Variants in MEGF6 observed in about 807,000 individuals in gnomAD.
MEGF6 encodes multiple EGF like domains 6.
MEGF6 carries 184 observed loss-of-function variants against 207.1 expected under a neutral mutation model. The ratio of observed to expected loss-of-function variants is 0.89; its 90% confidence interval spans 0.79 to 1.00. The LOEUF is 1.00. Ranked by LOEUF, MEGF6 falls within the 50% of genes least tolerant of loss-of-function variation. The pLI is 0.00. For synonymous variants in MEGF6, 1,038 were observed against 910.0 expected, an observed-to-expected ratio of 1.14 and a Z score of -2.53; for missense variants, 2,282 against 2,202.9, an observed-to-expected ratio of 1.04 and a Z score of -0.72.
chr1:3,591,580 G>A (rs1643978590), intron 3 of MEGF6, among the ~76,000 whole-genome samples: 1 of 152,234 alleles, frequency 6.6e-6, no homozygotes, highest in South Asian at 2.1e-4. Context: ...TCACACCTAA[G>A]TCCTGGAGCC....
At chr1:3,613,955 T>C (rs2101926064), upstream of MEGF6, among the ~76,000 whole-genome samples, 1 of 151,828 alleles carries the variant, frequency 6.6e-6, no homozygotes, top group Non-Finnish European at 1.5e-5. Context: ...GGGGGAAGAG[T>C]CCTGGGTAGG....
At chr1:3,517,079 G>A (rs1641568964) in intron 5 of MEGF6, among the ~76,000 whole-genome samples, 1 of 152,244 alleles carries the variant, frequency 6.6e-6, no homozygotes, top group African/African-American at 2.4e-5. Context: ...AGCATGGCCT[G>A]CGCCGGCCCC....
At position 3,489,363 on chromosome 1, in the gene MEGF6, G is replaced by C. The variant is rs1419642073; in HGVS notation, c.*1165C>G. On this transcript the variant is annotated 3_prime_UTR_variant, in exon 37 of 37. Coordinates refer to ENST00000356575, the MANE Select transcript of MEGF6 (RefSeq NM_001409.4). The stretch of plus-strand genomic sequence containing the variant: ...CCAGACCCTAAGGGGGCCTTCTTAA[G>C]GGAGAGAGAGTCCTATGTTGCGGTG... 6.6e-6 allele frequency among the ~76,000 whole-genome samples: 1 copy of C among 152,224 alleles called. No individual in the cohort carries two copies. The highest frequency in any genetic ancestry group is 2.4e-5 in the African/African-American group (1 of 41,456).
rs1643913728 is a variant in MEGF6, at chr1:3,587,874, GGCCAGGAGT to G, written c.376+7455_376+7463del. On this transcript the variant is annotated intron_variant, in intron 3 of 36. Transcript: ENST00000356575. Reference sequence around the variant, plus strand: ...GGAGGGGCCAGGAGGGGACAGGAGTGGCCAGGAGTGGCCAGGAGGGGGCAGGAGTGGCCA... The same window carrying G: ...GGAGGGGCCAGGAGGGGACAGGAGTGGGCCAGGAGGGGGCAGGAGTGGCCA... Among the ~76,000 whole-genome samples the G allele has an allele frequency of 7.5e-4, 6 of 7,980 alleles. 1 individual carries two copies. The highest frequency in any genetic ancestry group is 1.4e-3 in the Non-Finnish European group (3 of 2,200). The allele number at this position is 7,980 out of a possible 152,430, so 5.2% of individuals were successfully genotyped here.
intron 2 of MEGF6, among the ~76,000 whole-genome samples, chr1:3,600,353 T>C (rs1216622149): frequency 6.6e-6 from 1 of 152,150 alleles, no homozygotes; most frequent in Non-Finnish European, 1.5e-5. Flanking sequence ...GCTGGGATGC[T>C]GGGGTCCCCA....
chr1:3,496,582 T>C, intron 29 of MEGF6, 73 bp downstream of exon 29: 1 of 1,527,818 alleles, frequency 6.5e-7, no homozygotes, highest in Non-Finnish European at 8.8e-7. Flanking sequence ...GGGGCCATCC[T>C]CCTGCAGGCT....
chr1:3,561,491 T>C (rs771557679), intron 4 of MEGF6, among the ~76,000 whole-genome samples: 10 of 152,128 alleles, frequency 6.6e-5, no homozygotes, highest in Non-Finnish European at 1.2e-4. Context: ...GCCCTCACCA[T>C]CACTGCTGGT....
chr1:3,572,017 T>C (rs1643513831), intron 4 of MEGF6, among the ~76,000 whole-genome samples: 3 of 128,576 alleles, frequency 2.3e-5, no homozygotes, highest in Non-Finnish European at 3.2e-5. Context: ...GGGTCCTTCC[T>C]GAGTGTGCTA....
At chr1:3,613,830 CT>C (rs1181726090), upstream of MEGF6, among the ~76,000 whole-genome samples, 1 of 151,396 alleles carries the variant, frequency 6.6e-6, no homozygotes. Context: ...GTGCTCTCCC[CT>C]GTCCCAGGCA....
intron 4 of MEGF6, among the ~76,000 whole-genome samples, chr1:3,545,042 T>C (rs981315683): frequency 6.6e-6 from 1 of 152,134 alleles, no homozygotes; most frequent in African/African-American, 2.4e-5. Flanking sequence ...AAGCTGCCTG[T>C]GTCCCATGGC....
In MEGF6 at chr1:3,509,990, C is replaced by T. The variant is rs1037487591; in HGVS notation, c.1237G>A (p.Val413Met). 1.9e-6 allele frequency: 3 copies of T among 1,583,682 alleles called. No individual in the cohort carries two copies. Among genetic ancestry groups the T allele is most frequent in the Admixed American group, 1.8e-5 (1 of 56,524 alleles). ...LSADGCGCEDVDECASSRGGC... is the reference protein window; with the variant it reads ...LSADGCGCEDMDECASSRGGC... ...CCACGGCTGGAGGCGCACTCATCCACATCTGCGGGCGACCCGGGACCACTG... is the reference window on the plus strand; with the variant it reads ...CCACGGCTGGAGGCGCACTCATCCATATCTGCGGGCGACCCGGGACCACTG... Residue 413 changes from valine (V) to methionine (M), a missense_variant and splice_region_variant, in exon 11 of 37, where the codon GTG (valine) becomes ATG (methionine). Val to Met is a conservative substitution (Grantham distance 21). Transcript: ENST00000356575.
In MEGF6 at chr1:3,515,460, C is replaced by A; in HGVS notation, c.672G>T (p.Arg224=). 6.2e-7 allele frequency: 1 copy of A among 1,612,704 alleles called. No homozygotes were observed. Among genetic ancestry groups the A allele is most frequent in the South Asian group, 1.1e-5 (1 of 91,076 alleles). The change falls in exon 6 of 37, where the codon CGG becomes CGT. Residue 224 remains arginine, a synonymous_variant. Coordinates refer to ENST00000356575, the MANE Select transcript of MEGF6 (RefSeq NM_001409.4). ...ACCCGGGCCGGCACTGGCAGCGATG[C>A]CGAGTGATTGTGAGCTGGACACAGT... is the stretch of plus-strand genomic sequence containing the variant. The part of the protein sequence containing the change: ...QHHCVQLTIT[R]HRCQCRPGFQ...
chr1:3,547,043 G>T (rs1460310724), intron 4 of MEGF6: 1 of 159,620 alleles, frequency 6.3e-6, no homozygotes, highest in African/African-American at 2.4e-5. Context: ...CTGGGGGGGG[G>T]CCAGCGGCAG....
chr1:3,514,622 C>CCTGG lies in MEGF6; in HGVS notation c.777_780dup (p.Val261ProfsTer10). 6.3e-7 allele frequency: 1 copy of CCTGG among 1,580,718 alleles called. No homozygotes were observed. The highest frequency in any genetic ancestry group is 8.6e-7 in the Non-Finnish European group (1 of 1,165,662). ...TCACAGCGGGCGAGGCCCCGGACCA[C>CCTGG]CTGGCACCTGTGCATGCAGCTGCCG... On this transcript the variant is annotated frameshift_variant, in exon 7 of 37. Coordinates refer to ENST00000356575, the MANE Select transcript of MEGF6 (RefSeq NM_001409.4). LOFTEE classifies it high-confidence loss of function.
chr1:3,512,591 GAGTA>G (rs926260211), intron 7 of MEGF6, among the ~76,000 whole-genome samples: 2 of 151,958 alleles, frequency 1.3e-5, no homozygotes, highest in African/African-American at 4.8e-5. Flanking sequence ...TCATGATAGT[GAGTA>G]AGTCTCATGA....
At position 3,532,404 on chromosome 1, in the gene MEGF6, G is replaced by A. The variant is rs144993270; in HGVS notation, c.482-8158C>T. On this transcript the variant is annotated intron_variant, in intron 4 of 36. Coordinates refer to ENST00000356575, the MANE Select transcript of MEGF6 (RefSeq NM_001409.4). The stretch of plus-strand genomic sequence containing the variant: ...GCCTCCATGGAGATGGAAGAGCTGT[G>A]ACCAGCAAGCTGTGGTGCTCAATGA... 2.6e-5 allele frequency among the ~76,000 whole-genome samples: 4 copies of A among 152,330 alleles called. No homozygotes were observed. The East Asian group carries it at 7.7e-4, about 29-fold the overall frequency.
rs1557427528 is a variant in MEGF6, at chr1:3,602,614, A to G, written c.132-14T>C. ...CACACGTGGGGCCTGGAACAGAGAC[A>G]CGGAGAGTCAGCGCCTCGGCCACCC... On this transcript the variant is annotated splice_polypyrimidine_tract_variant and intron_variant, in intron 1 of 36. Transcript: ENST00000356575. 2 of 1,597,678 alleles carry G rather than the reference A, an allele frequency of 1.3e-6. No homozygotes were observed. The highest frequency in any genetic ancestry group is 1.7e-6 in the Non-Finnish European group (2 of 1,170,070).
At chr1:3,590,077 C>A (rs1643950799) in intron 3 of MEGF6, among the ~76,000 whole-genome samples, 2 of 152,230 alleles carry the variant, frequency 1.3e-5, no homozygotes, top group Admixed American at 1.3e-4. Context: ...GCCTCCCCCT[C>A]CCCTGGGCCA....
At position 3,595,400 on chromosome 1, in the gene MEGF6, C is replaced by A. The variant is rs570659251; in HGVS notation, c.314G>T (p.Arg105Leu). The A allele has an allele frequency of 2.5e-6, 4 of 1,612,584 alleles. No homozygotes were observed. In the African/African-American group the frequency reaches 5.3e-5, roughly 22 times the overall value. Residue 105 changes from arginine (R) to leucine (L), a missense_variant, in exon 3 of 37, where the codon CGG (arginine) becomes CTG (leucine). By Grantham distance (102) the Arg-to-Leu change is moderately radical. Transcript: ENST00000356575. ...GYRQVYTTEA[R>L]TVLRCCRGWM... ...CCCTCGGCAGCACCTGAGCACGGTC[C>A]GGGCCTCCGTGGTATACACCTGCCT...
Sources: allele counts gnomAD v4.1 joint callset (sites outside exome capture counted in the v4.1 genomes callset), GRCh38; gene constraint gnomAD v4.1.1; transcripts MANE v1.5; gene names NCBI Gene and HGNC (gene_info 2026-07-23, HGNC 2026-07-21).